WWOX: variants seen among roughly 807,000 people sequenced by gnomAD.
WWOX encodes WW domain containing oxidoreductase.
WWOX carries 69 observed loss-of-function variants against 46.2 expected under a neutral mutation model. That is an observed-to-expected ratio of 1.49 (90% confidence interval 1.23 to 1.82). WWOX has a LOEUF of 1.82. Ranked by LOEUF, WWOX falls within the 40% of genes most tolerant of loss-of-function variation. The probability of loss-of-function intolerance (pLI) is 0.00; values close to 1 mark genes in which losing one functional copy is unlikely to be tolerated. For synonymous variants in WWOX, 359 were observed against 202.6 expected (o/e 1.77, Z -6.56); for missense variants, 919 against 542.6 (o/e 1.69, Z -6.89).
At position 79,076,326 on chromosome 16, in the gene WWOX, G is replaced by C. The variant is rs1401403572; in HGVS notation, c.1057-135282G>C. 2.6e-5 allele frequency among the ~76,000 whole-genome samples: 4 copies of C among 152,044 alleles called. No individual in the cohort carries two copies. The South Asian group carries it at 8.3e-4, about 32-fold the overall frequency. ...GGATGACTTGATTTCTTACTATCTT[G>C]GGCCTTCTTGGAAACCCTGAAATGT... On this transcript the variant is annotated intron_variant, in intron 8 of 8. Coordinates refer to ENST00000566780, the MANE Select transcript of WWOX (RefSeq NM_016373.4).
At chr16:78,996,428 A>G in intron 8 of WWOX, 6 of 773,776 alleles carry the variant, frequency 7.8e-6, no homozygotes. Context: ...AAAGTTTGCA[A>G]AGAATGGAGG....
At chr16:78,386,817 C>T (rs373527433) in intron 5 of WWOX, 43 bp from the exon 6 acceptor site, 1 of 1,548,800 alleles carries the variant, frequency 6.5e-7, no homozygotes, top group African/African-American at 1.4e-5. Flanking sequence ...ATGAACTACA[C>T]TTGCTGTTAT....
At position 79,032,648 on chromosome 16, in the gene WWOX, T is replaced by G. The variant is rs150025946; in HGVS notation, c.1057-178960T>G. Among the ~76,000 whole-genome samples the G allele has an allele frequency of 4.0e-3, 559 of 141,148 alleles. 8 individuals carry two copies. The highest frequency in any genetic ancestry group is 4.5e-3 in the Non-Finnish European group (299 of 66,614). 92.6% of individuals were successfully genotyped at this position (141,148 alleles called of 152,430 possible). A position where few individuals can be genotyped will look rare whatever the true frequency, so the allele number is the denominator to read the frequency against. On this transcript the variant is annotated intron_variant, in intron 8 of 8. Transcript: ENST00000566780. The stretch of plus-strand genomic sequence containing the variant: ...TTCATATAATATATGTAATAGAGCG[T>G]GTATATTATTTACATATGTATATAT...
intron 8 of WWOX, among the ~76,000 whole-genome samples, chr16:78,722,291 C>G (rs1055583023): frequency 2.0e-5 from 3 of 152,178 alleles, no homozygotes; most frequent in African/African-American, 7.2e-5. Flanking sequence ...CCAGTTTTCT[C>G]AAGTGACTTT....
intron 8 of WWOX, among the ~76,000 whole-genome samples, chr16:78,904,391 A>G (rs1248761455): frequency 6.6e-6 from 1 of 151,922 alleles, no homozygotes; most frequent in Non-Finnish European, 1.5e-5. Flanking sequence ...GGAGCACACC[A>G]CTGCGCCCAG....
intron 5 of WWOX, among the ~76,000 whole-genome samples, chr16:78,170,165 T>C (rs1440901634): frequency 6.6e-6 from 1 of 152,180 alleles, no homozygotes; most frequent in Non-Finnish European, 1.5e-5. Context: ...CAGATGTCTC[T>C]TGGGGGTGCA....
intron 8 of WWOX, among the ~76,000 whole-genome samples, chr16:78,720,059 C>T (rs566863896): frequency 2.0e-5 from 3 of 152,084 alleles, no homozygotes; most frequent in Non-Finnish European, 4.4e-5. Flanking sequence ...TTTCAGAAAA[C>T]AACGATTTCA....
chr16:79,200,228 C>G (rs1015391959), intron 8 of WWOX, among the ~76,000 whole-genome samples: 1 of 152,070 alleles, frequency 6.6e-6, no homozygotes, highest in Non-Finnish European at 1.5e-5. Context: ...AAATGGAGCT[C>G]AGAAAGGAGG....
chr16:78,363,857 A>C (rs1288773687), intron 5 of WWOX, among the ~76,000 whole-genome samples: 1 of 152,146 alleles, frequency 6.6e-6, no homozygotes, highest in Admixed American at 6.5e-5. Context: ...TCATGTGCAG[A>C]GTTCGAGGCA....
intron 8 of WWOX, among the ~76,000 whole-genome samples, chr16:78,836,505 A>T (rs1199652441): frequency 6.6e-6 from 1 of 152,164 alleles, no homozygotes; most frequent in Non-Finnish European, 1.5e-5. Context: ...GTATTTTCAG[A>T]CACTTCTGCC....
chr16:78,865,948 G>C (rs2656634), intron 8 of WWOX, among the ~76,000 whole-genome samples: 1 of 152,110 alleles, frequency 6.6e-6, no homozygotes, highest in Non-Finnish European at 1.5e-5. Flanking sequence ...GATTGTTTTG[G>C]TTTTAACAAT....
rs185878171 is a variant in WWOX, at chr16:78,914,665, G to C, written c.1057-296943G>C. Among the ~76,000 whole-genome samples the C allele has an allele frequency of 2.0e-3, 298 of 151,848 alleles. 4 individuals carry two copies. Among genetic ancestry groups the C allele is most frequent in the Non-Finnish European group, 3.4e-3 (232 of 67,928 alleles). The stretch of plus-strand genomic sequence containing the variant: ...GAGGCGGAGGCGGGCAGATCACGAG[G>C]TCAGGAGATCCAGACTATCCTGGCT... On this transcript the variant is annotated intron_variant, in intron 8 of 8. Coordinates refer to ENST00000566780, the MANE Select transcript of WWOX (RefSeq NM_016373.4).
chr16:78,425,842 A>G (rs1228306388), intron 7 of WWOX, among the ~76,000 whole-genome samples: 1 of 151,990 alleles, frequency 6.6e-6, no homozygotes, highest in Non-Finnish European at 1.5e-5. Context: ...AGTAGCTAGA[A>G]AAAAAAATAA....
chr16:78,788,900 C>G (rs766049582), intron 8 of WWOX, among the ~76,000 whole-genome samples: 5 of 152,222 alleles, frequency 3.3e-5, no homozygotes, highest in African/African-American at 4.8e-5. Context: ...CTCCCAGCTG[C>G]TGTCCCCTGC....
chr16:78,726,617 AATTTATTT>A (rs2048842989), intron 8 of WWOX, among the ~76,000 whole-genome samples: 1 of 152,104 alleles, frequency 6.6e-6, no homozygotes, highest in Non-Finnish European at 1.5e-5. Flanking sequence ...TCAACTAAAC[AATTTATTT>A]GAGCAATTAA....
intron 5 of WWOX, among the ~76,000 whole-genome samples, chr16:78,191,590 G>A (rs890597082): frequency 2.0e-5 from 3 of 151,838 alleles, no homozygotes; most frequent in South Asian, 2.1e-4. Flanking sequence ...TATGAGTTTC[G>A]GTCTTTTTTC....
At chr16:78,701,105 G>T (rs1457924433) in intron 8 of WWOX, among the ~76,000 whole-genome samples, 1 of 152,092 alleles carries the variant, frequency 6.6e-6, no homozygotes, top group Non-Finnish European at 1.5e-5. Context: ...GTGGGCTAGT[G>T]ATAGTTACCT....
At chr16:78,682,757 C>T (rs2047760093) in intron 8 of WWOX, among the ~76,000 whole-genome samples, 1 of 152,066 alleles carries the variant, frequency 6.6e-6, no homozygotes, top group South Asian at 2.1e-4. Context: ...GGTATTTCTC[C>T]CCTTCACGGT....
intron 8 of WWOX, among the ~76,000 whole-genome samples, chr16:78,455,659 A>AT (rs2083799416): frequency 6.6e-6 from 1 of 151,270 alleles, no homozygotes; most frequent in African/African-American, 2.4e-5. Context: ...AAAAAAAAAA[A>AT]AAAAAAAAAA....
Sources: gnomAD v4.1 joint callset for allele counts (sites outside exome capture counted in the v4.1 genomes callset) on GRCh38, gnomAD v4.1.1 for gene constraint, MANE v1.5 for transcripts, NCBI Gene and HGNC (gene_info 2026-07-23, HGNC 2026-07-21) for gene names.